PALS2: variants seen among roughly 807,000 people sequenced by gnomAD.
PALS2 encodes protein PALS2.
In PALS2, 27 loss-of-function variants were observed where a neutral mutation model predicts 61.6. The observed-to-expected ratio is 0.44, with a 90% CI of 0.32 to 0.60. The LOEUF is 0.60. PALS2 is among the 20% of genes least tolerant of loss of function. PALS2 has a pLI of 0.05. For synonymous variants in PALS2, 236 were observed against 218.6 expected, an observed-to-expected ratio of 1.08 and a Z score of -0.70; for missense variants, 554 against 639.4, an observed-to-expected ratio of 0.87 and a Z score of 1.44.
chr7:24,606,243 T>C (rs1783894156), intron 1 of PALS2, among the ~76,000 whole-genome samples: 1 of 152,206 alleles, frequency 6.6e-6, no homozygotes, highest in African/African-American at 2.4e-5. Flanking sequence ...ATCTTATGAA[T>C]CAAGTATTTT....
intron 3 of PALS2, among the ~76,000 whole-genome samples, chr7:24,646,801 A>G (rs4275129): frequency 0.069 from 10,519 of 152,124 alleles, 448 homozygotes; most frequent in African/African-American, 0.11. Flanking sequence ...TTGGTTGATA[A>G]ACTATTTATT....
chr7:24,614,380 T>G (rs1167823489), intron 1 of PALS2, among the ~76,000 whole-genome samples: 1 of 151,954 alleles, frequency 6.6e-6, no homozygotes, highest in African/African-American at 2.4e-5. Flanking sequence ...AATTTATCAG[T>G]TCCAAGAGTT....
intron 1 of PALS2, among the ~76,000 whole-genome samples, chr7:24,592,321 C>T (rs537051921): frequency 6.6e-6 from 1 of 152,120 alleles, no homozygotes; most frequent in African/African-American, 2.4e-5. Context: ...GATGAATTTA[C>T]AGCAGTATGA....
chr7:24,622,683 C>CTTTTTTTTTTTTTTTT (rs70942815), intron 1 of PALS2, among the ~76,000 whole-genome samples: 6 of 135,690 alleles, frequency 4.4e-5, no homozygotes, highest in Non-Finnish European at 6.4e-5. Flanking sequence ...TTTCTTTTTT[C>CTTTTTTTTTTTTTTTT]TTTTTTTTTT....
chr7:24,590,070 A>G (rs1783225559), intron 1 of PALS2, among the ~76,000 whole-genome samples: 1 of 152,150 alleles, frequency 6.6e-6, no homozygotes, highest in East Asian at 1.9e-4. Flanking sequence ...TACATCTTAG[A>G]AAGCATATGT....
Position 24,665,588 on chromosome 7 carries a change from G to C in PALS2, c.784G>C (p.Ala262Pro), listed in dbSNP as rs1402296604. The stretch of plus-strand genomic sequence containing the variant: ...GTACAATTCATTAATTTGATTCTAG[G>C]CTAGCCATGTAAAAGAGGGAGGAAG... ...VNREDPNWWQ[A>P]SHVKEGGSAG... is the part of the protein sequence containing the mutation. The change falls in exon 7 of 12, where the codon GCT (alanine) becomes CCT (proline). Residue 262 changes from alanine to proline, a missense_variant and splice_region_variant. Coordinates refer to ENST00000222644, the MANE Select transcript of PALS2 (RefSeq NM_001303037.2). The C allele has an allele frequency of 6.2e-7, 1 of 1,613,288 alleles. No individual in the cohort carries two copies. The highest frequency in any genetic ancestry group is 8.5e-7 in the Non-Finnish European group (1 of 1,179,436).
At chr7:24,624,184 G>T in intron 2 of PALS2, 1 of 1,196,074 alleles carries the variant, frequency 8.4e-7, no homozygotes. Flanking sequence ...TTTATCTAGT[G>T]CTTTTTTGAA....
intron 1 of PALS2, among the ~76,000 whole-genome samples, chr7:24,581,221 G>C (rs1221670684): frequency 6.6e-6 from 1 of 150,460 alleles, no homozygotes; most frequent in African/African-American, 2.5e-5. Context: ...AAATCTTTCA[G>C]CTCTGTGTCT....
chr7:24,588,939 A>G (rs778685538), intron 1 of PALS2, among the ~76,000 whole-genome samples: 2 of 152,230 alleles, frequency 1.3e-5, no homozygotes, highest in Non-Finnish European at 2.9e-5. Flanking sequence ...TGATGTAAAC[A>G]TATTGGCCAT....
At chr7:24,605,430 C>G (rs1783863018) in intron 1 of PALS2, among the ~76,000 whole-genome samples, 1 of 152,046 alleles carries the variant, frequency 6.6e-6, no homozygotes, top group Non-Finnish European at 1.5e-5. Context: ...ATACATTTTT[C>G]TGTGGGAAAA....
chr7:24,607,677 ATATG>A (rs1783967664), intron 1 of PALS2, among the ~76,000 whole-genome samples: 1 of 151,602 alleles, frequency 6.6e-6, no homozygotes, highest in Non-Finnish European at 1.5e-5. Context: ...ACACATATAC[ATATG>A]TGTGTGTATG....
intron 5 of PALS2, among the ~76,000 whole-genome samples, chr7:24,660,047 G>T (rs1786633656): frequency 6.6e-6 from 1 of 152,158 alleles, no homozygotes; most frequent in East Asian, 1.9e-4. Context: ...AGCTCATCTT[G>T]TTTCTTCCAT....
At chr7:24,623,349 T>G (rs1784603362) in intron 1 of PALS2, among the ~76,000 whole-genome samples, 1 of 152,056 alleles carries the variant, frequency 6.6e-6, no homozygotes, top group Non-Finnish European at 1.5e-5. Context: ...TAAGTCTGTT[T>G]GAATTTTCTG....
chr7:24,683,641 A>C (rs1284743345), intron 11 of PALS2, among the ~76,000 whole-genome samples: 1 of 151,980 alleles, frequency 6.6e-6, no homozygotes. Flanking sequence ...CCATTTTTCC[A>C]AGATACTCTG....
At chr7:24,685,014 G>A (rs1788121148) in intron 11 of PALS2, among the ~76,000 whole-genome samples, 1 of 151,674 alleles carries the variant, frequency 6.6e-6, no homozygotes, top group South Asian at 2.1e-4. Flanking sequence ...TTACATAGGT[G>A]AATGTGTGCC....
chr7:24,644,834 C>A (rs972655011), intron 3 of PALS2, among the ~76,000 whole-genome samples: 6 of 151,878 alleles, frequency 4.0e-5, no homozygotes, highest in African/African-American at 1.5e-4. Flanking sequence ...TTAATAATAG[C>A]CATTCTGACT....
intron 1 of PALS2, among the ~76,000 whole-genome samples, chr7:24,619,052 C>G (rs377759073): frequency 1.3e-5 from 2 of 152,178 alleles, no homozygotes; most frequent in Admixed American, 6.5e-5. Context: ...TTGAATCTAT[C>G]TCTTTTGATT....
At chr7:24,685,779 A>C (rs960771118) in intron 11 of PALS2, among the ~76,000 whole-genome samples, 1 of 151,972 alleles carries the variant, frequency 6.6e-6, no homozygotes, top group African/African-American at 2.4e-5. Flanking sequence ...TAGAAGTCTC[A>C]GTATCAGCTG....
At chr7:24,649,187 T>A (rs989512317) in intron 3 of PALS2, among the ~76,000 whole-genome samples, 1 of 152,058 alleles carries the variant, frequency 6.6e-6, no homozygotes, top group Non-Finnish European at 1.5e-5. Flanking sequence ...ATTACTAACA[T>A]AGCAATGTTA....
Sources: gnomAD v4.1 joint callset for allele counts (sites outside exome capture counted in the v4.1 genomes callset) on GRCh38, gnomAD v4.1.1 for gene constraint, MANE v1.5 for transcripts, NCBI Gene and HGNC (gene_info 2026-07-23, HGNC 2026-07-21) for gene names.